Variants in ATG7 observed in about 807,000 individuals in gnomAD.
ATG7 encodes autophagy related 7, also known as ubiquitin-like modifier-activating enzyme ATG7.
A neutral mutation model predicts 82.4 loss-of-function variants in ATG7; 70 were observed. The ratio of observed to expected loss-of-function variants is 0.85; its 90% CI spans 0.70 to 1.04. The LOEUF is 1.04. ATG7 is among the 50% of genes least tolerant of loss of function. ATG7 has a pLI of 0.00. For missense variants in ATG7, 792 were observed against 864.3 expected, an observed-to-expected ratio of 0.92 and a Z score of 1.05; for synonymous variants, 287 against 313.0, an observed-to-expected ratio of 0.92 and a Z score of 0.88.
At chr3:11,291,353 C>A (rs1944955144) in intron 3 of ATG7, among the ~76,000 whole-genome samples, 1 of 152,124 alleles carries the variant, frequency 6.6e-6, no homozygotes, top group Admixed American at 6.5e-5. Context: ...TATTTTTTAG[C>A]ATGTGTGAGG....
At chr3:11,527,894 TTG>T (rs367946566) in intron 20 of ATG7, among the ~76,000 whole-genome samples, 6 of 152,364 alleles carry the variant, frequency 3.9e-5, no homozygotes, top group Non-Finnish European at 8.8e-5. Flanking sequence ...ATTTCCTTGT[TTG>T]TGACTACAAA....
intron 20 of ATG7, among the ~76,000 whole-genome samples, chr3:11,448,435 C>T (rs1041958018): frequency 2.0e-5 from 3 of 152,152 alleles, no homozygotes; most frequent in African/African-American, 7.2e-5. Flanking sequence ...ATCTCTCAGC[C>T]CAGATGGCCA....
chr3:11,431,253 T>C (rs920967676), intron 20 of ATG7, among the ~76,000 whole-genome samples: 1 of 152,126 alleles, frequency 6.6e-6, no homozygotes, highest in South Asian at 2.1e-4. Flanking sequence ...AATACAAAAT[T>C]AGCTGGGTGT....
chr3:11,537,519 A>G (rs1363735103), intron 20 of ATG7, among the ~76,000 whole-genome samples: 1 of 152,200 alleles, frequency 6.6e-6, no homozygotes, highest in Admixed American at 6.5e-5. Flanking sequence ...GACTTCCTTC[A>G]TAGAGCCCCA....
Position 11,347,868 on chromosome 3 carries a change from T to G in ATG7, c.1126-9T>G, listed in dbSNP as rs1954795778. The G allele has an allele frequency of 6.2e-7, 1 of 1,611,280 alleles. No homozygotes were observed. The highest frequency in any genetic ancestry group is 8.5e-7 in the Non-Finnish European group (1 of 1,178,244). ...CAGAAACACACCATGATCTCCTGTT[T>G]CCACACAGGGTTGGGGCGTGAGACA... On this transcript the variant is annotated splice_polypyrimidine_tract_variant and intron_variant, in intron 13 of 20. Transcript: ENST00000693202.
intron 19 of ATG7, among the ~76,000 whole-genome samples, chr3:11,399,423 A>G (rs2079602803): frequency 6.6e-6 from 1 of 152,228 alleles, no homozygotes; most frequent in Non-Finnish European, 1.5e-5. Flanking sequence ...ATGAAGTGAT[A>G]TTATTAAGGA....
At chr3:11,379,129 G>A (rs1179172442) in intron 18 of ATG7, among the ~76,000 whole-genome samples, 1 of 151,974 alleles carries the variant, frequency 6.6e-6, no homozygotes, top group African/African-American at 2.4e-5. Context: ...TGAGCCTGAG[G>A]TTTTTCAACA....
At chr3:11,389,182 G>A (rs564977762) in intron 19 of ATG7, among the ~76,000 whole-genome samples, 4 of 134,808 alleles carry the variant, frequency 3.0e-5, no homozygotes, top group Admixed American at 1.7e-4. Flanking sequence ...GCAGTGAGTC[G>A]AGATGGTGCC....
chr3:11,275,176 C>A (rs766235298), intron 1 of ATG7, among the ~76,000 whole-genome samples: 8 of 151,984 alleles, frequency 5.3e-5, no homozygotes, highest in Non-Finnish European at 1.2e-4. Flanking sequence ...ATCCTGATGA[C>A]GGGAGGGCAG....
chr3:11,340,612 C>T lies in ATG7; in HGVS notation c.890-33C>T, dbSNP rs375655889. 2.2e-5 allele frequency: 34 copies of T among 1,578,596 alleles called. No individual in the cohort carries two copies. The Middle Eastern group carries it at 5.0e-4, about 23-fold the overall frequency. ...ATCTGCTTGTTTTTATTCTTCCCTC[C>T]TTCATTAAACTTTGTGTTTTATTTG... On this transcript the variant is annotated intron_variant, in intron 11 of 20. Transcript: ENST00000693202.
intron 11 of ATG7, among the ~76,000 whole-genome samples, chr3:11,337,848 A>G (rs370447787): frequency 1.3e-5 from 2 of 152,180 alleles, no homozygotes; most frequent in African/African-American, 2.4e-5. Flanking sequence ...TTTTTGTCTA[A>G]TAATTTCTTA....
intron 18 of ATG7, among the ~76,000 whole-genome samples, chr3:11,368,971 T>C (rs138651108): frequency 0.014 from 2,116 of 151,018 alleles, 71 homozygotes; most frequent in African/African-American, 0.023. Flanking sequence ...CTTCATGAAT[T>C]CTTTTAGCTT....
At chr3:11,288,660 G>C (rs1489633264) in intron 3 of ATG7, 2 of 152,182 alleles carry the variant, frequency 1.3e-5, no homozygotes, top group Non-Finnish European at 2.9e-5. Flanking sequence ...TTTCTTGGGA[G>C]GCAACCGCCA....
At chr3:11,318,850 A>G (rs1949812121) in intron 9 of ATG7, among the ~76,000 whole-genome samples, 1 of 151,818 alleles carries the variant, frequency 6.6e-6, no homozygotes, top group African/African-American at 2.4e-5. Context: ...TGCCTCACCT[A>G]CCTTTCTGAT....
At position 11,362,683 on chromosome 3, in the gene ATG7, G is replaced by A. The variant is rs2076357908; in HGVS notation, c.1684-130G>A. The stretch of plus-strand genomic sequence containing the variant: ...CTCAAGAAATGATGTACTTGAGGCT[G>A]GATGTTCTTTGCCAACAATGAGCAT... On this transcript the variant is annotated intron_variant, in intron 16 of 20. Coordinates refer to ENST00000693202, the MANE Select transcript of ATG7 (RefSeq NM_001349232.2). The A allele has an allele frequency of 4.6e-6, 3 of 651,400 alleles. No individual in the cohort carries two copies. The South Asian group carries it at 6.3e-5, about 14-fold the overall frequency. The allele number at this position is 651,400 out of a possible 1,614,324, so 40.4% of individuals were successfully genotyped here. A position where few individuals can be genotyped will look rare whatever the true frequency, so the allele number is the denominator to read the frequency against.
chr3:11,397,804 T>G (rs1448153023), intron 19 of ATG7, among the ~76,000 whole-genome samples: 1 of 142,636 alleles, frequency 7.0e-6, no homozygotes, highest in Non-Finnish European at 1.5e-5. Context: ...ATGAATCGGC[T>G]GGGCGCGGTG....
intron 9 of ATG7, among the ~76,000 whole-genome samples, chr3:11,323,192 G>C (rs1022015277): frequency 6.6e-6 from 1 of 152,144 alleles, no homozygotes; most frequent in African/African-American, 2.4e-5. Flanking sequence ...TCCTGTTTTT[G>C]TAGTGTTTTC....
At chr3:11,532,800 G>A (rs373187047) in intron 20 of ATG7, among the ~76,000 whole-genome samples, 2 of 152,214 alleles carry the variant, frequency 1.3e-5, no homozygotes, top group Non-Finnish European at 2.9e-5. Context: ...GCAAGGATGG[G>A]TCTAGATACT....
At chr3:11,553,291 CACCTCACAGGT>C (rs1293105555) in intron 20 of ATG7, among the ~76,000 whole-genome samples, 5 of 37,632 alleles carry the variant, frequency 1.3e-4, no homozygotes, top group African/African-American at 4.4e-4. Context: ...GATGTGAGGT[CACCTCACAGGT>C]AGATGTGAGG....
Sources: allele counts gnomAD v4.1 joint callset (sites outside exome capture counted in the v4.1 genomes callset), GRCh38; gene constraint gnomAD v4.1.1; transcripts MANE v1.5; gene names NCBI Gene and HGNC (gene_info 2026-07-23, HGNC 2026-07-21).